CHRNG: variants seen among roughly 807,000 people sequenced by gnomAD.
CHRNG encodes acetylcholine receptor subunit gamma.
Under a neutral mutation model 65.2 loss-of-function variants are expected in CHRNG, and 72 were observed. The ratio of observed to expected loss-of-function variants is 1.10; its 90% CI spans 0.91 to 1.34. CHRNG has a LOEUF of 1.34. Ranked by LOEUF, CHRNG falls within the 40% of genes most tolerant of loss-of-function variation. The probability of loss-of-function intolerance (pLI) is 0.00; values close to 1 mark genes in which losing one functional copy is unlikely to be tolerated. For missense variants in CHRNG, 637 were observed against 680.1 expected, an observed-to-expected ratio of 0.94 and a Z score of 0.70; for synonymous variants, 284 against 290.2, an observed-to-expected ratio of 0.98 and a Z score of 0.22.
At position 232,540,346 on chromosome 2, in the gene CHRNG, G is replaced by A. The variant is rs1277119649; in HGVS notation, c.196-35G>A. 4 of 1,613,932 alleles carry A rather than the reference G, an allele frequency of 2.5e-6. No individual in the cohort carries two copies. Among genetic ancestry groups the A allele is most frequent in the Non-Finnish European group, 3.4e-6 (4 of 1,179,864 alleles). On this transcript the variant is annotated intron_variant, in intron 2 of 11. Transcript: ENST00000651502. This position sits in a 1 kb window ranked among gnomAD's most constrained non-coding sequence, Gnocchi z 4.2. ...GTGGGGACTGGCACTGAAGTCGGGGGCTGAGCCCTCCATACTACACCCTTG... is the reference window on the plus strand; with the variant it reads ...GTGGGGACTGGCACTGAAGTCGGGGACTGAGCCCTCCATACTACACCCTTG...
Position 232,548,080 on chromosome 2 carries a change from T to A in CHRNG, c.*2364T>A, listed in dbSNP as rs1692162152. On this transcript the variant is annotated 3_prime_UTR_variant, in exon 12 of 12. Coordinates refer to ENST00000651502, the MANE Select transcript of CHRNG (RefSeq NM_005199.5). ...CAATATACATACCTAAATTTAAAAA[T>A]ACTTTATTGCTAAAAAATGCTGATT... The A allele has an allele frequency of 1.6e-6, 1 of 609,074 alleles. No homozygotes were observed. Among genetic ancestry groups the A allele is most frequent in the African/African-American group, 1.9e-5 (1 of 53,478 alleles). 37.7% of individuals were successfully genotyped at this position (609,074 alleles called of 1,614,324 possible).
chr2:232,545,485 G>A (rs930071156), intron 11 of CHRNG, 58 bp from the exon 12 acceptor site: 1 of 1,482,922 alleles, frequency 6.7e-7, no homozygotes, highest in Non-Finnish European at 9.3e-7. Context: ...ATGAGAACAG[G>A]ACCCAGGGAA....
In CHRNG at chr2:232,540,777, A is replaced by G; in HGVS notation, c.350+66A>G. 1 of 1,395,704 alleles carries G rather than the reference A, an allele frequency of 7.2e-7. No individual in the cohort carries two copies. The highest frequency in any genetic ancestry group is 2.4e-5 in the East Asian group (1 of 41,832). The allele number at this position is 1,395,704 out of a possible 1,614,324, so 86.5% of individuals were successfully genotyped here. ...CACAGGGTCTGGGCCCAGCAGAACAAGGCACTCTGGGAAAAGAGAAAGATG... is the reference window on the plus strand; with the variant it reads ...CACAGGGTCTGGGCCCAGCAGAACAGGGCACTCTGGGAAAAGAGAAAGATG... On this transcript the variant is annotated intron_variant, in intron 4 of 11. Transcript: ENST00000651502. This position sits in a 1 kb window ranked among gnomAD's most constrained non-coding sequence, Gnocchi z 4.2.
At chr2:232,542,769 C>T in intron 6 of CHRNG, 113 bp from the exon 7 acceptor site, 1 of 939,162 alleles carries the variant, frequency 1.1e-6, no homozygotes. Flanking sequence ...GGGTGCCTCC[C>T]CTGCTGGTGC....
rs777208622 is a variant in CHRNG, at chr2:232,543,371, C to T, written c.902C>T (p.Ala301Val). ...AAGAAGGTGCCTGAAACCTCCCAGG[C>T]GGTGCCACTCATCAGCAAGTAAGGC... ...VAKKVPETSQ[A>V]VPLISKYLTF... The change falls in exon 8 of 12, where the codon GCG becomes GTG. Residue 301 changes from alanine to valine, a missense_variant. Coordinates refer to ENST00000651502, the MANE Select transcript of CHRNG (RefSeq NM_005199.5). 3.4e-5 allele frequency: 55 copies of T among 1,613,186 alleles called. No homozygotes were observed. Among genetic ancestry groups the T allele is most frequent in the Admixed American group, 5.0e-5 (3 of 59,998 alleles).
intron 9 of CHRNG, among the ~76,000 whole-genome samples, 197 bp downstream of exon 9, chr2:232,543,896 A>C (rs954743084): frequency 1.3e-5 from 2 of 152,272 alleles, no homozygotes; most frequent in African/African-American, 4.8e-5. Context: ...TACAAATGTT[A>C]ATGTATTTCA....
chr2:232,544,578 TAGGTGAGACACACC>T lies in CHRNG; in HGVS notation c.1249+4_1249+17del. The T allele has an allele frequency of 1.2e-6, 2 of 1,611,998 alleles. No homozygotes were observed. Among genetic ancestry groups the T allele is most frequent in the Non-Finnish European group, 1.7e-6 (2 of 1,178,938 alleles). ...CTGGTGGCGGCAGCGCTGGAGAAGCTAGGTGAGACACACCAGGTGTGCCTGGGGACAGTCCTCCC... is the reference window on the plus strand; with the variant it reads ...CTGGTGGCGGCAGCGCTGGAGAAGCTAGGTGTGCCTGGGGACAGTCCTCCC... On this transcript the variant is annotated splice_donor_variant and splice_donor_5th_base_variant and coding_sequence_variant and intron_variant, in exon 10 of 12. Coordinates refer to ENST00000651502, the MANE Select transcript of CHRNG (RefSeq NM_005199.5). LOFTEE classifies it high-confidence loss of function.
rs1327799873 is a variant in CHRNG at position 232,541,421 on chromosome 2, C to A, written c.398C>A (p.Ser133Tyr). The change falls in exon 5 of 12, where the codon TCC becomes TAC. Residue 133 changes from serine to tyrosine, a missense_variant. Transcript: ENST00000651502. The surrounding 1 kb of genome is among the most constrained non-coding windows in gnomAD (Gnocchi z 4.0). ...GCCCTCTACTGCAATGTGCTCGTGT[C>A]CCCTGACGGCTGTATCTACTGGCTG... ...EVALYCNVLVSPDGCIYWLPP... is the reference protein window; with the variant it reads ...EVALYCNVLVYPDGCIYWLPP... 6.2e-7 allele frequency: 1 copy of A among 1,614,116 alleles called. No individual in the cohort carries two copies. Among genetic ancestry groups the A allele is most frequent in the East Asian group, 2.2e-5 (1 of 44,872 alleles).
At chr2:232,544,633 G>C (rs1692090175) in intron 10 of CHRNG, 53 bp downstream of exon 10, 2 of 1,579,520 alleles carry the variant, frequency 1.3e-6, no homozygotes, top group African/African-American at 1.3e-5. Flanking sequence ...ACCCCAGCTG[G>C]GGAGCCAGGC....
In CHRNG at chr2:232,544,594, G is replaced by A. The variant is rs377351561; in HGVS notation, c.1249+14G>A. 441 of 1,607,640 alleles carry A rather than the reference G, an allele frequency of 2.7e-4. No homozygotes were observed. The highest frequency in any genetic ancestry group is 3.6e-4 in the Non-Finnish European group (420 of 1,175,192). On this transcript the variant is annotated intron_variant, in intron 10 of 11. Transcript: ENST00000651502. Reference sequence around the variant, plus strand: ...TGGAGAAGCTAGGTGAGACACACCAGGTGTGCCTGGGGACAGTCCTCCCCT... The same window carrying A: ...TGGAGAAGCTAGGTGAGACACACCAAGTGTGCCTGGGGACAGTCCTCCCCT...
rs987241140 is a variant in CHRNG at position 232,544,414 on chromosome 2, G to A, written c.1083G>A (p.Pro361=). The change falls in exon 10 of 12, where the codon CCG becomes CCA. Residue 361 remains proline (P), a synonymous_variant. Transcript: ENST00000651502. The stretch of plus-strand genomic sequence containing the variant: ...AGCTGCTGAGGATGCACGTTCGCCC[G>A]CTGGCCCCGGCAGCTGTGCAGGACA... ...LPQLLRMHVR[P]LAPAAVQDTQ... is the part of the protein sequence containing the mutation. 10 of 1,613,384 alleles carry A rather than the reference G, an allele frequency of 6.2e-6. No individual in the cohort carries two copies. Among genetic ancestry groups the A allele is most frequent in the African/African-American group, 5.3e-5 (4 of 74,926 alleles).
Position 232,543,263 on chromosome 2 carries a change from G to A in CHRNG, c.806-12G>A, listed in dbSNP as rs748328647. On this transcript the variant is annotated splice_polypyrimidine_tract_variant and intron_variant, in intron 7 of 11. Transcript: ENST00000651502. ...TAGGAACCTGCTCTGAGAGCCTCTC[G>A]GTCATGGATAGCTGGGGGCCAGAAG... The A allele has an allele frequency of 1.1e-5, 18 of 1,610,806 alleles. No individual in the cohort carries two copies. Among genetic ancestry groups the A allele is most frequent in the East Asian group, 2.2e-5 (1 of 44,846 alleles).
In CHRNG at chr2:232,541,242, C is replaced by A; in HGVS notation, c.351-132C>A. On this transcript the variant is annotated intron_variant, in intron 4 of 11. Transcript: ENST00000651502. This position sits in a 1 kb window ranked among gnomAD's most constrained non-coding sequence, Gnocchi z 4.0. ...CCTAGTGGTCCGGGTGGGAACCAGT[C>A]AGGGGGTGACAGGCTGGTAGGGACT... 1 of 1,143,544 alleles carries A rather than the reference C, an allele frequency of 8.7e-7. No homozygotes were observed. Among genetic ancestry groups the A allele is most frequent in the Non-Finnish European group, 1.3e-6 (1 of 770,672 alleles). 70.8% of individuals were successfully genotyped at this position (1,143,544 alleles called of 1,614,324 possible). A position where few individuals can be genotyped will look rare whatever the true frequency, so the allele number is the denominator to read the frequency against.
Position 232,539,710 on chromosome 2 carries a change from G to C in CHRNG, c.-38G>C. 6.2e-7 allele frequency: 1 copy of C among 1,607,884 alleles called. No individual in the cohort carries two copies. The highest frequency in any genetic ancestry group is 1.1e-5 in the South Asian group (1 of 90,948). Reference sequence around the variant, plus strand: ...TCTCTCTGCCCCAGACCTTGGAGCTGTTGTCCCACCCCTGTCACTGCAGAG... The same window carrying C: ...TCTCTCTGCCCCAGACCTTGGAGCTCTTGTCCCACCCCTGTCACTGCAGAG... On this transcript the variant is annotated 5_prime_UTR_variant, in exon 1 of 12. Transcript: ENST00000651502.
chr2:232,541,470 C>T lies in CHRNG; in HGVS notation c.447C>T (p.Ala149=). ...TGCCGCCTGCCATCTTCCGTTCCGC[C>T]TGCTCTATCTCAGTCACCTACTTCC... ...YWLPPAIFRS[A]CSISVTYFPF... Residue 149 remains alanine, a synonymous_variant, in exon 5 of 12, where the codon GCC becomes GCT. Coordinates refer to ENST00000651502, the MANE Select transcript of CHRNG (RefSeq NM_005199.5). This position sits in a 1 kb window ranked among gnomAD's most constrained non-coding sequence, Gnocchi z 4.0. The T allele has an allele frequency of 6.2e-7, 1 of 1,614,158 alleles. No individual in the cohort carries two copies. The highest frequency in any genetic ancestry group is 8.5e-7 in the Non-Finnish European group (1 of 1,179,994).
At position 232,540,011 on chromosome 2, in the gene CHRNG, G is replaced by A. The variant is rs1691981149; in HGVS notation, c.75G>A (p.Gln25=). 2 of 1,614,200 alleles carry A rather than the reference G, an allele frequency of 1.2e-6. No homozygotes were observed. The highest frequency in any genetic ancestry group is 3.3e-5 in the Admixed American group (2 of 60,028). ...TTGCAGGGGCCCAGGGCCGGAACCA[G>A]GAGGAGCGCCTGCTCGCAGACCTGA... ...AVCLGAQGRN[Q]EERLLADLMQ... is the part of the protein sequence containing the mutation. Residue 25 remains glutamine, a synonymous_variant, in exon 2 of 12, where the codon CAG becomes CAA. Coordinates refer to ENST00000651502, the MANE Select transcript of CHRNG (RefSeq NM_005199.5). The surrounding 1 kb of genome is among the most constrained non-coding windows in gnomAD (Gnocchi z 4.2).
rs374188367 is a variant in CHRNG, at chr2:232,540,003, C to T, written c.67C>T (p.Arg23Trp). 36 of 1,614,048 alleles carry T rather than the reference C, an allele frequency of 2.2e-5. No individual in the cohort carries two copies. Among genetic ancestry groups the T allele is most frequent in the Admixed American group, 3.3e-5 (2 of 60,010 alleles). Residue 23 changes from arginine to tryptophan, a missense_variant, in exon 2 of 12, where the codon CGG becomes TGG. Transcript: ENST00000651502. This position sits in a 1 kb window ranked among gnomAD's most constrained non-coding sequence, Gnocchi z 4.2. ...LLAVCLGAQG[R>W]NQEERLLADL... ...CCTGTCTATTGCAGGGGCCCAGGGCCGGAACCAGGAGGAGCGCCTGCTCGC... is the reference window on the plus strand; with the variant it reads ...CCTGTCTATTGCAGGGGCCCAGGGCTGGAACCAGGAGGAGCGCCTGCTCGC...
In CHRNG at chr2:232,541,565, C is replaced by T; in HGVS notation, c.506+36C>T. On this transcript the variant is annotated intron_variant, in intron 5 of 11. Coordinates refer to ENST00000651502, the MANE Select transcript of CHRNG (RefSeq NM_005199.5). The surrounding 1 kb of genome is among the most constrained non-coding windows in gnomAD (Gnocchi z 4.0). ...TTATTGGGGAGGATTAAGAGAGCTG[C>T]TCTCAGAGGGGCCTGGGCAGTGGTG... is the stretch of plus-strand genomic sequence containing the variant. 3.1e-6 allele frequency: 5 copies of T among 1,609,398 alleles called. No individual in the cohort carries two copies. The highest frequency in any genetic ancestry group is 4.2e-6 in the Non-Finnish European group (5 of 1,179,426).
At chr2:232,544,135 A>G (rs1208840815) in intron 9 of CHRNG, among the ~76,000 whole-genome samples, 1 of 152,194 alleles carries the variant, frequency 6.6e-6, no homozygotes, top group Non-Finnish European at 1.5e-5. Context: ...CCAGAATAGC[A>G]TGAGGGCTGG....
Sources: allele counts gnomAD v4.1 joint callset (sites outside exome capture counted in the v4.1 genomes callset), GRCh38; gene constraint gnomAD v4.1.1; non-coding constraint Gnocchi (gnomAD v3.1); transcripts MANE v1.5; gene names NCBI Gene and HGNC (gene_info 2026-07-23, HGNC 2026-07-21).